The following LCE4A variants were observed in gnomAD, a reference collection of about 807,000 sequenced individuals.
LCE4A encodes late cornified envelope protein 4A.
For synonymous variants in LCE4A, 41 were observed against 42.3 expected (o/e 0.97, Z 0.12); for missense variants, 110 against 111.3 (o/e 0.99, Z 0.05).
rs751934221 is a variant in LCE4A at position 152,709,273 on chromosome 1, T to C, written c.198T>C (p.His66=). The C allele has an allele frequency of 1.6e-5, 26 of 1,613,952 alleles. No homozygotes were observed. In the African/African-American group the frequency reaches 2.3e-4, roughly 14 times the overall value. Residue 66 remains histidine, a synonymous_variant, in exon 2 of 2, where the codon CAT becomes CAC. Coordinates refer to ENST00000368777, the MANE Select transcript of LCE4A (RefSeq NM_001387222.1). ...GCTGCCTGAGCCACCACAGACACCA[T>C]AGGTCCCACTGCCACAGACCCAAGA... The part of the protein sequence containing the change: ...GGCCLSHHRH[H]RSHCHRPKSS...
chr1:152,709,021 A>G (rs915478475), intron 1 of LCE4A, 34 bp from the exon 2 acceptor site: 12 of 1,348,568 alleles, frequency 8.9e-6, no homozygotes, highest in Non-Finnish European at 2.1e-6. Flanking sequence ...TCTTGATATT[A>G]AGTTTCTGTA....
In LCE4A at chr1:152,708,899, G is replaced by A. The variant is rs1165783089; in HGVS notation, c.-21-156G>A. 1.6e-5 allele frequency: 9 copies of A among 569,958 alleles called. No homozygotes were observed. The South Asian group carries it at 2.2e-4, about 14-fold the overall frequency. The allele number at this position is 569,958 out of a possible 1,614,324, so 35.3% of individuals were successfully genotyped here. A position where few individuals can be genotyped will look rare whatever the true frequency, so the allele number is the denominator to read the frequency against. Reference sequence around the variant, plus strand: ...TTTTGAAAGCTCTAGGGGTACAAAAGTAATGAAGATATACTCTTTGTCTGA... The same window carrying A: ...TTTTGAAAGCTCTAGGGGTACAAAAATAATGAAGATATACTCTTTGTCTGA... On this transcript the variant is annotated intron_variant, in intron 1 of 1. Transcript: ENST00000368777.
At chr1:152,708,675 C>A (rs1316834549) in intron 1 of LCE4A, among the ~76,000 whole-genome samples, 2 of 152,218 alleles carry the variant, frequency 1.3e-5, no homozygotes, top group Admixed American at 6.5e-5. Context: ...CTGAAGGAAG[C>A]TTTTCTCTAA....
Position 152,709,350 on chromosome 1 carries a change from G to A in LCE4A, c.275G>A (p.Cys92Tyr), listed in dbSNP as rs1370408203. The A allele has an allele frequency of 4.4e-6, 7 of 1,601,210 alleles. No individual in the cohort carries two copies. In the South Asian group the frequency reaches 7.9e-5, roughly 18 times the overall value. Reference sequence around the variant, plus strand: ...GGCCAGCAGTCTGGGGGTTCTGGCTGCTGCTCTGGAGGGGGCTGTTGCTGA... The same window carrying A: ...GGCCAGCAGTCTGGGGGTTCTGGCTACTGCTCTGGAGGGGGCTGTTGCTGA... ...GSGQQSGGSGCCSGGGCC is the reference protein window; with the variant it reads ...GSGQQSGGSGYCSGGGCC The change falls in exon 2 of 2, where the codon TGC becomes TAC. Residue 92 changes from cysteine (C) to tyrosine (Y), a missense_variant. Physicochemically the swap from Cys to Tyr is radical, Grantham distance 194 (BLOSUM62 -2). Transcript: ENST00000368777.
rs1649717645 is a variant in LCE4A, at chr1:152,708,194, G to T, written c.-222G>T. 6.6e-6 allele frequency: 1 copy of T among 152,528 alleles called. No individual in the cohort carries two copies. The highest frequency in any genetic ancestry group is 2.4e-5 in the African/African-American group (1 of 41,576). 9.4% of individuals were successfully genotyped at this position (152,528 alleles called of 1,614,324 possible). On this transcript the variant is annotated 5_prime_UTR_variant, in exon 1 of 2. Coordinates refer to ENST00000368777, the MANE Select transcript of LCE4A (RefSeq NM_001387222.1). Reference sequence around the variant, plus strand: ...GGCTATCTGGGAAGCTCATCATCCAGCTCAGGAAGAGATGAAACCAGGAGG... The same window carrying T: ...GGCTATCTGGGAAGCTCATCATCCATCTCAGGAAGAGATGAAACCAGGAGG...
chr1:152,708,688 G>A (rs375729488), intron 1 of LCE4A, among the ~76,000 whole-genome samples: 46 of 152,274 alleles, frequency 3.0e-4, no homozygotes, highest in East Asian at 1.7e-3. Flanking sequence ...TTCTCTAACC[G>A]TGCAGATCTC....
rs41268472 is a variant in LCE4A at position 152,709,127 on chromosome 1, A to G, written c.52A>G (p.Ile18Val). ...GTGCCAGCCCCCTCCCAAGTGTCCT[A>G]TCCCCAAGTATCCCCCAAAATGTCC... The part of the protein sequence containing the change: ...QQCQPPPKCP[I>V]PKYPPKCPSK... Residue 18 changes from isoleucine (I) to valine (V), a missense_variant, in exon 2 of 2, where the codon ATC becomes GTC. Transcript: ENST00000368777. 0.027 allele frequency: 44,203 copies of G among 1,613,428 alleles called. 1,083 individuals carry two copies. Among genetic ancestry groups the G allele is most frequent in the Admixed American group, 0.12 (6,939 of 59,966 alleles).
In LCE4A at chr1:152,709,215, G is replaced by A. The variant is rs1557814069; in HGVS notation, c.140G>A (p.Gly47Asp). The change falls in exon 2 of 2, where the codon GGC becomes GAC. Residue 47 changes from glycine to aspartate, a missense_variant. Gly to Asp is a moderately conservative substitution (Grantham distance 94). Coordinates refer to ENST00000368777, the MANE Select transcript of LCE4A (RefSeq NM_001387222.1). ...ISSCCGSSSGGCGCCSSEGGG... is the reference protein window; with the variant it reads ...ISSCCGSSSGDCGCCSSEGGG... ...TCCTGCTGTGGCTCCAGCTCTGGGG[G>A]CTGTGGTTGCTGCAGCTCTGAGGGA... 6.2e-7 allele frequency: 1 copy of A among 1,614,044 alleles called. No homozygotes were observed. Among genetic ancestry groups the A allele is most frequent in the Non-Finnish European group, 8.5e-7 (1 of 1,179,972 alleles).
At position 152,708,228 on chromosome 1, in the gene LCE4A, T is replaced by C. The variant is rs190753626; in HGVS notation, c.-188T>C. The C allele has an allele frequency of 7.2e-5, 11 of 152,494 alleles. No homozygotes were observed. Among genetic ancestry groups the C allele is most frequent in the African/African-American group, 2.6e-4 (11 of 41,602 alleles). The allele number at this position is 152,494 out of a possible 1,614,324, so 9.4% of individuals were successfully genotyped here. On this transcript the variant is annotated 5_prime_UTR_variant, in exon 1 of 2. It removes an upstream start codon present in the reference 5' UTR. Coordinates refer to ENST00000368777, the MANE Select transcript of LCE4A (RefSeq NM_001387222.1). ...GAGATGAAACCAGGAGGCAGGAGAA[T>C]GTCAGGCATGACCCCACACTTGTGC...
chr1:152,708,948 A>T, intron 1 of LCE4A, 107 bp from the exon 2 acceptor site: 1 of 688,948 alleles, frequency 1.5e-6, no homozygotes, highest in Non-Finnish European at 2.5e-6. Flanking sequence ...ACATGTCCAT[A>T]TTTTAGATAT....
chr1:152,709,156 A>G lies in LCE4A; in HGVS notation c.81A>G (p.Ser27=). The change falls in exon 2 of 2, where the codon TCA becomes TCG. Residue 27 remains serine, a synonymous_variant. Coordinates refer to ENST00000368777, the MANE Select transcript of LCE4A (RefSeq NM_001387222.1). ...CCAAGTATCCCCCAAAATGTCCCTC[A>G]AAGTGTGCATCCTCATGCCCACCTC... ...PIPKYPPKCP[S]KCASSCPPPI... The G allele has an allele frequency of 6.2e-7, 1 of 1,613,818 alleles. No individual in the cohort carries two copies. The highest frequency in any genetic ancestry group is 1.3e-5 in the African/African-American group (1 of 74,904).
At chr1:152,708,979 G>T in intron 1 of LCE4A, 76 bp from the exon 2 acceptor site, 1 of 903,054 alleles carries the variant, frequency 1.1e-6, no homozygotes, top group Admixed American at 2.3e-5. Flanking sequence ...CACCTTGGGG[G>T]AGGATTTTAA....
chr1:152,709,249 C>G lies in LCE4A; in HGVS notation c.174C>G (p.Cys58Trp). The G allele has an allele frequency of 6.2e-7, 1 of 1,614,126 alleles. No homozygotes were observed. The highest frequency in any genetic ancestry group is 8.5e-7 in the Non-Finnish European group (1 of 1,179,970). The change falls in exon 2 of 2, where the codon TGC becomes TGG. Residue 58 changes from cysteine to tryptophan, a missense_variant. Cys to Trp is a radical substitution (Grantham distance 215). Transcript: ENST00000368777. ...CGCCSSEGGG[C>W]CLSHHRHHRS... ...GCTGCAGCTCTGAGGGAGGTGGCTGCTGCCTGAGCCACCACAGACACCATA... is the reference window on the plus strand; with the variant it reads ...GCTGCAGCTCTGAGGGAGGTGGCTGGTGCCTGAGCCACCACAGACACCATA...
rs1445472435 is a variant in LCE4A, at chr1:152,709,173, G to T, written c.98G>T (p.Cys33Phe). The change falls in exon 2 of 2, where the codon TGC becomes TTC. Residue 33 changes from cysteine to phenylalanine, a missense_variant. Physicochemically the swap from Cys to Phe is radical, Grantham distance 205. Coordinates refer to ENST00000368777, the MANE Select transcript of LCE4A (RefSeq NM_001387222.1). ...TGTCCCTCAAAGTGTGCATCCTCAT[G>T]CCCACCTCCAATCTCTTCCTGCTGT... ...PKCPSKCASS[C>F]PPPISSCCGS... The T allele has an allele frequency of 7.5e-7, 1 of 1,333,590 alleles. No homozygotes were observed. The highest frequency in any genetic ancestry group is 1.7e-5 in the African/African-American group (1 of 57,242). 82.6% of individuals were successfully genotyped at this position (1,333,590 alleles called of 1,614,324 possible).
Position 152,709,213 on chromosome 1 carries a change from G to GGGCTGCTGTAGCTCTGGC in LCE4A, c.143_144insCTGTAGCTCTGGCGGCTG (p.Cys48_Gly49insCysSerSerGlyGlyCys), listed in dbSNP as rs1553195948. The GGGCTGCTGTAGCTCTGGC allele has an allele frequency of 0.018, 28,563 of 1,613,044 alleles. 681 individuals carry two copies. The highest frequency in any genetic ancestry group is 0.11 in the East Asian group (5,047 of 44,856). On this transcript the variant is annotated inframe_insertion, in exon 2 of 2. Transcript: ENST00000368777. ...CTTCCTGCTGTGGCTCCAGCTCTGG[G>GGGCTGCTGTAGCTCTGGC]GGCTGTGGTTGCTGCAGCTCTGAGG...
Position 152,709,156 on chromosome 1 carries a change from A to C in LCE4A, c.81A>C (p.Ser27=). ...CCAAGTATCCCCCAAAATGTCCCTC[A>C]AAGTGTGCATCCTCATGCCCACCTC... The part of the protein sequence containing the change: ...PIPKYPPKCP[S]KCASSCPPPI... The change falls in exon 2 of 2, where the codon TCA becomes TCC. Residue 27 remains serine (S), a synonymous_variant. Transcript: ENST00000368777. The C allele has an allele frequency of 6.2e-7, 1 of 1,613,818 alleles. No individual in the cohort carries two copies. The highest frequency in any genetic ancestry group is 8.5e-7 in the Non-Finnish European group (1 of 1,179,918).
At chr1:152,708,975 G>T in intron 1 of LCE4A, 80 bp from the exon 2 acceptor site, 1 of 863,952 alleles carries the variant, frequency 1.2e-6, no homozygotes, top group Non-Finnish European at 1.8e-6. Flanking sequence ...TCATCACCTT[G>T]GGGGAGGATT....
At chr1:152,708,648 G>C (rs547654868) in intron 1 of LCE4A, among the ~76,000 whole-genome samples, 1 of 152,306 alleles carries the variant, frequency 6.6e-6, no homozygotes, top group Non-Finnish European at 1.5e-5. Context: ...TGGCCTGCTG[G>C]TCCTAAGCCC....
Position 152,708,237 on chromosome 1 carries a change from T to C in LCE4A, c.-179T>C, listed in dbSNP as rs2101529866. 6.6e-6 allele frequency: 1 copy of C among 152,464 alleles called. No homozygotes were observed. Among genetic ancestry groups the C allele is most frequent in the South Asian group, 2.1e-4 (1 of 4,828 alleles). 9.4% of individuals were successfully genotyped at this position (152,464 alleles called of 1,614,324 possible). A position where few individuals can be genotyped will look rare whatever the true frequency, so the allele number is the denominator to read the frequency against. ...CCAGGAGGCAGGAGAATGTCAGGCA[T>C]GACCCCACACTTGTGCAACAGCCAC... On this transcript the variant is annotated 5_prime_UTR_variant, in exon 1 of 2. An upstream start codon of the reference 5' UTR is lost. Coordinates refer to ENST00000368777, the MANE Select transcript of LCE4A (RefSeq NM_001387222.1).
Sources: gnomAD v4.1 joint callset for allele counts (sites outside exome capture counted in the v4.1 genomes callset) on GRCh38, gnomAD v4.1.1 for gene constraint, MANE v1.5 for transcripts, NCBI Gene and HGNC (gene_info 2026-07-23, HGNC 2026-07-21) for gene names.